Variants in SYNPO2 observed in about 807,000 individuals in gnomAD.
SYNPO2 encodes synaptopodin-2.
In SYNPO2, 56 loss-of-function variants were observed where a neutral mutation model predicts 85.0. The observed-to-expected ratio is 0.66, with a 90% CI of 0.53 to 0.82. SYNPO2 has a LOEUF of 0.82. Among genes scored for constraint, SYNPO2 ranks in the 40% least tolerant of loss-of-function variants. The probability of loss-of-function intolerance (pLI) is 0.00; values close to 1 mark genes in which losing one functional copy is unlikely to be tolerated. For missense variants in SYNPO2, 1,575 were observed against 1,534.2 expected, an observed-to-expected ratio of 1.03 and a Z score of -0.44; for synonymous variants, 602 against 591.1, an observed-to-expected ratio of 1.02 and a Z score of -0.27.
intron 1 of SYNPO2, among the ~76,000 whole-genome samples, chr4:118,930,484 C>T (rs4611911): frequency 0.57 from 86,956 of 151,948 alleles, 26,911 homozygotes; most frequent in East Asian, 0.82. Context: ...AGAACACAAG[C>T]TCTTTGAAGT....
chr4:118,960,891 A>T (rs543588818), intron 1 of SYNPO2, among the ~76,000 whole-genome samples: 2 of 152,136 alleles, frequency 1.3e-5, no homozygotes, highest in African/African-American at 2.4e-5. Flanking sequence ...TTAGTTCATC[A>T]TGTCTGATTG....
chr4:119,020,439 A>T (rs1486974174), intron 1 of SYNPO2, among the ~76,000 whole-genome samples: 1 of 152,202 alleles, frequency 6.6e-6, no homozygotes. Context: ...CTATCATGCA[A>T]CACATGTTTG....
At chr4:118,921,953 T>C (rs754019744) in intron 1 of SYNPO2, among the ~76,000 whole-genome samples, 29 of 152,328 alleles carry the variant, frequency 1.9e-4, no homozygotes, top group Non-Finnish European at 3.2e-4. Context: ...TATAATACTC[T>C]GTGCATATCT....
At chr4:118,998,407 T>C (rs1308976441) in intron 1 of SYNPO2, among the ~76,000 whole-genome samples, 1 of 152,220 alleles carries the variant, frequency 6.6e-6, no homozygotes, top group Admixed American at 6.5e-5. Context: ...TTTTAGGTAT[T>C]TTCTATGTGT....
chr4:119,012,251 T>C (rs143722484), intron 1 of SYNPO2, among the ~76,000 whole-genome samples: 8 of 152,224 alleles, frequency 5.3e-5, no homozygotes, highest in African/African-American at 9.6e-5. Flanking sequence ...TCTACAGAAC[T>C]GGGCTGAAAC....
chr4:118,892,218 C>T (rs533938593), intron 1 of SYNPO2, among the ~76,000 whole-genome samples: 13 of 152,140 alleles, frequency 8.5e-5, no homozygotes, highest in East Asian at 1.9e-4. Flanking sequence ...TTGTCATTGA[C>T]GGTTAAGCTC....
At chr4:118,945,792 C>T (rs1734478623) in intron 1 of SYNPO2, among the ~76,000 whole-genome samples, 2 of 151,908 alleles carry the variant, frequency 1.3e-5, no homozygotes, top group African/African-American at 4.8e-5. Flanking sequence ...TGTTGCCAGT[C>T]TGGAGTGCAG....
chr4:119,020,228 G>T (rs1340414334), intron 1 of SYNPO2, among the ~76,000 whole-genome samples: 1 of 152,064 alleles, frequency 6.6e-6, no homozygotes, highest in Non-Finnish European at 1.5e-5. Context: ...ATATAGCAAG[G>T]TTCTTGAGGG....
intron 1 of SYNPO2, among the ~76,000 whole-genome samples, chr4:118,915,288 A>T (rs1401077009): frequency 6.6e-6 from 1 of 152,096 alleles, no homozygotes; most frequent in Non-Finnish European, 1.5e-5. Flanking sequence ...CCCCAATATT[A>T]TCACCCTGCC....
At chr4:119,018,222 G>T (rs551851887) in intron 1 of SYNPO2, among the ~76,000 whole-genome samples, 2 of 152,226 alleles carry the variant, frequency 1.3e-5, no homozygotes, top group Non-Finnish European at 2.9e-5. Flanking sequence ...CACATGGCTT[G>T]TTTCACTTAA....
At chr4:118,884,103 T>G (rs1190204530), upstream of SYNPO2, among the ~76,000 whole-genome samples, 1 of 152,230 alleles carries the variant, frequency 6.6e-6, no homozygotes, top group Non-Finnish European at 1.5e-5. Flanking sequence ...GATAATTCAT[T>G]GCTTTTATAA....
chr4:118,947,080 G>T (rs1734529197), intron 1 of SYNPO2, among the ~76,000 whole-genome samples: 1 of 152,140 alleles, frequency 6.6e-6, no homozygotes, highest in South Asian at 2.1e-4. Flanking sequence ...TATTTCATTG[G>T]TGTTTTATGT....
intron 1 of SYNPO2, among the ~76,000 whole-genome samples, chr4:118,913,751 G>A (rs1733218673): frequency 6.6e-6 from 1 of 152,116 alleles, no homozygotes; most frequent in African/African-American, 2.4e-5. Flanking sequence ...CATGGAAAGG[G>A]TTAAAAGATA....
chr4:118,851,667 G>C (rs1731422067), intron 1 of SYNPO2, among the ~76,000 whole-genome samples: 1 of 152,146 alleles, frequency 6.6e-6, no homozygotes, highest in African/African-American at 2.4e-5. Flanking sequence ...GTAACATTTT[G>C]ATTAAAAATA....
At position 119,030,443 on chromosome 4, in the gene SYNPO2, G is replaced by C; in HGVS notation, c.1668G>C (p.Glu556Asp). 1 of 1,614,178 alleles carries C rather than the reference G, an allele frequency of 6.2e-7. No homozygotes were observed. The highest frequency in any genetic ancestry group is 8.5e-7 in the Non-Finnish European group (1 of 1,180,034). ...GCTCTGTGAGCAAAAGCTACATCGA[G>C]GTGAGTCATGGTCTTGGCCATGTTC... ...TQSSVSKSYI[E>D]VSHGLGHVPQ... The change falls in exon 4 of 5, where the codon GAG (glutamate) becomes GAC (aspartate). Residue 556 changes from glutamate to aspartate, a missense_variant. By Grantham distance (45) the Glu-to-Asp change is conservative. This residue lies in a region of SYNPO2 where 1,508 missense variants were observed against 1,446.8 expected (regional missense o/e 1.04). Transcript: ENST00000307142.
chr4:119,045,101 AT>A (rs1738835492), intron 4 of SYNPO2, among the ~76,000 whole-genome samples: 1 of 152,148 alleles, frequency 6.6e-6, no homozygotes, highest in South Asian at 2.1e-4. Flanking sequence ...AACTGATAAG[AT>A]TTTTCTCTAA....
chr4:118,969,291 A>T (rs1484066919), intron 1 of SYNPO2, among the ~76,000 whole-genome samples: 1 of 152,254 alleles, frequency 6.6e-6, no homozygotes, highest in Non-Finnish European at 1.5e-5. Flanking sequence ...TGCTACATAG[A>T]AATTACATTG....
intron 1 of SYNPO2, among the ~76,000 whole-genome samples, chr4:118,952,650 A>G (rs1734739971): frequency 6.6e-6 from 1 of 152,142 alleles, no homozygotes; most frequent in Non-Finnish European, 1.5e-5. Flanking sequence ...TGAATATTAT[A>G]TTTTACTATT....
chr4:118,878,812 G>C (rs1299077341), intron 1 of SYNPO2, among the ~76,000 whole-genome samples: 2 of 152,202 alleles, frequency 1.3e-5, no homozygotes, highest in Non-Finnish European at 2.9e-5. Context: ...CATGGGTGGG[G>C]CCAAATAAGG....
Sources: allele counts gnomAD v4.1 joint callset (sites outside exome capture counted in the v4.1 genomes callset), GRCh38; gene constraint gnomAD v4.1.1; regional missense constraint gnomAD v4.1.1; transcripts MANE v1.5; gene names NCBI Gene and HGNC (gene_info 2026-07-23, HGNC 2026-07-21).